The following CFB variants were observed in gnomAD, a reference collection of about 807,000 sequenced individuals.
CFB encodes the protein B-factor, properdin.
In CFB, 59 loss-of-function variants were observed where a neutral mutation model predicts 97.2. The observed-to-expected ratio is 0.61, with a 90% CI of 0.49 to 0.75. CFB has a LOEUF of 0.75. CFB is among the 30% of genes least tolerant of loss of function. The pLI, the probability that CFB is intolerant of heterozygous loss-of-function variation, is 0.00. For missense variants in CFB, 771 were observed against 959.8 expected, an observed-to-expected ratio of 0.80 and a Z score of 2.60; for synonymous variants, 316 against 351.7, an observed-to-expected ratio of 0.90 and a Z score of 1.14.
chr6:31,948,992 T>C (rs775184506), intron 8 of CFB, 31 bp downstream of exon 8: 92 of 1,612,674 alleles, frequency 5.7e-5, no homozygotes, highest in South Asian at 4.7e-4. Context: ...TGTCCCAGCC[T>C]CCCCACCTTC....
intron 7 of CFB, 109 bp downstream of exon 7, chr6:31,948,621 A>G: frequency 6.4e-7 from 1 of 1,566,602 alleles, no homozygotes; most frequent in Non-Finnish European, 8.7e-7. Flanking sequence ...TTTGTAGTCA[A>G]AAGTTGAACA....
intron 12 of CFB, 101 bp from the exon 13 acceptor site, chr6:31,950,518 C>T (rs1396040296): frequency 5.7e-6 from 9 of 1,586,936 alleles, no homozygotes; most frequent in South Asian, 1.1e-5. Flanking sequence ...CCTTGCACCC[C>T]AGACCAGTCA....
Position 31,950,129 on chromosome 6 carries a change from G to C in CFB, c.1488G>C (p.Gln496His). ...CCGATTACCACAAGCAACCATGGCA[G>C]GCCAAGATCTCAGTCATTGTAAGCA... ...KGTDYHKQPW[Q>H]AKISVIRPSK... Residue 496 changes from glutamine (Q) to histidine (H), a missense_variant, in exon 11 of 18, where the codon CAG becomes CAC. Physicochemically the swap from Gln to His is conservative, Grantham distance 24. Coordinates refer to ENST00000425368, the MANE Select transcript of CFB (RefSeq NM_001710.6). The C allele has an allele frequency of 5.0e-6, 8 of 1,613,062 alleles. No homozygotes were observed. The highest frequency in any genetic ancestry group is 6.8e-6 in the Non-Finnish European group (8 of 1,180,028).
intron 7 of CFB, 113 bp from the exon 8 acceptor site, chr6:31,948,717 G>T: frequency 1.3e-6 from 2 of 1,495,492 alleles, no homozygotes; most frequent in Non-Finnish European, 1.8e-6. Context: ...TCCGTGTAAT[G>T]ATGATTAACT....
Position 31,950,669 on chromosome 6 carries a change from TACA to T in CFB, c.1679_1681del (p.Asn560del), listed in dbSNP as rs1175761354. On this transcript the variant is annotated inframe_deletion, in exon 13 of 18. Coordinates refer to ENST00000425368, the MANE Select transcript of CFB (RefSeq NM_001710.6). ...AGAAGTAGTCCTATTTCACCCCAAC[TACA>T]ACATTAATGGGAAAAAAGAAGCAGG... The T allele has an allele frequency of 5.6e-6, 9 of 1,612,870 alleles. No homozygotes were observed. Among genetic ancestry groups the T allele is most frequent in the East Asian group, 2.2e-5 (1 of 44,896 alleles).
chr6:31,948,125 T>G, intron 6 of CFB, 44 bp downstream of exon 6: 9 of 1,608,864 alleles, frequency 5.6e-6, no homozygotes, highest in Non-Finnish European at 7.6e-6. Context: ...GGAATCTCGC[T>G]GATCTTCCAG....
chr6:31,947,695 T>C lies in CFB; in HGVS notation c.659-47T>C. On this transcript the variant is annotated intron_variant, in intron 4 of 17. Coordinates refer to ENST00000425368, the MANE Select transcript of CFB (RefSeq NM_001710.6). This position sits in a 1 kb window ranked among gnomAD's most constrained non-coding sequence, Gnocchi z 5.3. ...TGATCCCCCGTCTCTTTGGTCACTG[T>C]ATCCCTGACACTCCCAGACATTTGA... 1 of 1,600,492 alleles carries C rather than the reference T, an allele frequency of 6.2e-7. No individual in the cohort carries two copies. The highest frequency in any genetic ancestry group is 8.6e-7 in the Non-Finnish European group (1 of 1,168,760).
rs1249772822 is a variant in CFB at position 31,951,924 on chromosome 6, G to A, written c.2189G>A (p.Arg730Gln). 1.2e-5 allele frequency: 20 copies of A among 1,612,962 alleles called. No individual in the cohort carries two copies. The highest frequency in any genetic ancestry group is 4.4e-5 in the South Asian group (4 of 91,082). ...GVVDVCKNQK[R>Q]QKQVPAHARD... ...GTGGATGTCTGCAAAAACCAGAAGC[G>A]GCAAAAGCAGGTACCTGCTCACGCC... Residue 730 changes from arginine (R) to glutamine (Q), a missense_variant, in exon 18 of 18, where the codon CGG becomes CAG. Physicochemically the swap from Arg to Gln is conservative, Grantham distance 43. Coordinates refer to ENST00000425368, the MANE Select transcript of CFB (RefSeq NM_001710.6). This position sits in a 1 kb window ranked among gnomAD's most constrained non-coding sequence, Gnocchi z 4.3.
chr6:31,946,405 C>G lies in CFB; in HGVS notation c.97C>G (p.Pro33Ala), dbSNP rs367892230. The change falls in exon 2 of 18, where the codon CCC becomes GCC. Residue 33 changes from proline (P) to alanine (A), a missense_variant. Coordinates refer to ENST00000425368, the MANE Select transcript of CFB (RefSeq NM_001710.6). This position sits in a 1 kb window ranked among gnomAD's most constrained non-coding sequence, Gnocchi z 6.4. ...VTTTPWSLAR[P>A]QGSCSLEGVE... ...CACCACTCCATGGTCTTTGGCCCGG[C>G]CCCAGGGATCCTGCTCTCTGGAGGG... 1.7e-5 allele frequency: 28 copies of G among 1,613,072 alleles called. No individual in the cohort carries two copies. In the African/African-American group the frequency reaches 3.6e-4, roughly 21 times the overall value.
Position 31,947,657 on chromosome 6 carries a change from C to T in CFB, c.659-85C>T. 4 of 1,574,956 alleles carry T rather than the reference C, an allele frequency of 2.5e-6. No individual in the cohort carries two copies. The highest frequency in any genetic ancestry group is 1.1e-5 in the South Asian group (1 of 90,344). On this transcript the variant is annotated intron_variant, in intron 4 of 17. Transcript: ENST00000425368. This position sits in a 1 kb window ranked among gnomAD's most constrained non-coding sequence, Gnocchi z 5.3. ...CTATCTCACTTCTGAGCCTTTTATA[C>T]CCTGGAAACCCATGATCCCCCGTCT...
intron 12 of CFB, 47 bp downstream of exon 12, chr6:31,950,450 C>T (rs1241907090): frequency 3.2e-6 from 5 of 1,571,928 alleles, no homozygotes; most frequent in Non-Finnish European, 3.5e-6. Context: ...GCTCTCCAGG[C>T]AACACCTCCC....
At chr6:31,950,988 A>T (rs1336295004) in intron 14 of CFB, 44 bp downstream of exon 14, 1 of 1,605,080 alleles carries the variant, frequency 6.2e-7, no homozygotes, top group Non-Finnish European at 8.5e-7. Flanking sequence ...ATCCCAAGAG[A>T]CAAGTGGGGC....
rs1396843361 is a variant in CFB, at chr6:31,947,608, C to G, written c.658+87C>G. On this transcript the variant is annotated intron_variant, in intron 4 of 17. Coordinates refer to ENST00000425368, the MANE Select transcript of CFB (RefSeq NM_001710.6). The surrounding 1 kb of genome is among the most constrained non-coding windows in gnomAD (Gnocchi z 5.3). ...CCACCTCAACCCTGCTCTTTCCTCA[C>G]TTTGTTTAAACCTCCCTGTACAACT... 26 of 1,596,198 alleles carry G rather than the reference C, an allele frequency of 1.6e-5. 1 individual carries two copies. The Admixed American group carries it at 4.0e-4, about 25-fold the overall frequency.
rs1456103769 is a variant in CFB, at chr6:31,946,631, G to A, written c.298+25G>A. 1 of 1,592,222 alleles carries A rather than the reference G, an allele frequency of 6.3e-7. No homozygotes were observed. Among genetic ancestry groups the A allele is most frequent in the South Asian group, 1.1e-5 (1 of 90,662 alleles). On this transcript the variant is annotated intron_variant, in intron 2 of 17. Transcript: ENST00000425368. This position sits in a 1 kb window ranked among gnomAD's most constrained non-coding sequence, Gnocchi z 6.4. Reference sequence around the variant, plus strand: ...GGTTTGAGGGCAATGAGTGTGGGCAGTGGCCTAAGGCAGAAACAGGGCAGG... The same window carrying A: ...GGTTTGAGGGCAATGAGTGTGGGCAATGGCCTAAGGCAGAAACAGGGCAGG...
intron 8 of CFB, 112 bp from the exon 9 acceptor site, chr6:31,949,131 G>A: frequency 7.0e-7 from 1 of 1,428,884 alleles, no homozygotes; most frequent in East Asian, 2.4e-5. Context: ...TAAGCCCTGT[G>A]ATCAACTATC....
chr6:31,951,113 G>A lies in CFB; in HGVS notation c.1856-31G>A, dbSNP rs935490840. 6.2e-7 allele frequency: 1 copy of A among 1,606,290 alleles called. No individual in the cohort carries two copies. The highest frequency in any genetic ancestry group is 1.3e-5 in the African/African-American group (1 of 74,904). On this transcript the variant is annotated intron_variant, in intron 14 of 17. Transcript: ENST00000425368. This position sits in a 1 kb window ranked among gnomAD's most constrained non-coding sequence, Gnocchi z 4.3. ...CAATGGGGAGATGACAGTGGTGGGA[G>A]CAGCTGAAGTGACGCAGTCTATTCG...
intron 10 of CFB, 167 bp from the exon 11 acceptor site, chr6:31,949,883 T>A: frequency 1.3e-6 from 1 of 764,780 alleles, no homozygotes; most frequent in Non-Finnish European, 2.3e-6. Flanking sequence ...GTTCTTTCCC[T>A]TTTCAGTCCA....
In CFB at chr6:31,948,000, C is replaced by A; in HGVS notation, c.816C>A (p.Tyr272Ter). 1 of 1,614,176 alleles carries A rather than the reference C, an allele frequency of 6.2e-7. No individual in the cohort carries two copies. The highest frequency in any genetic ancestry group is 8.5e-7 in the Non-Finnish European group (1 of 1,180,016). ...ACCCTTCAGGCTCCATGAACATCTACCTGGTGCTAGATGGATCAGACAGCA... is the reference window on the plus strand; with the variant it reads ...ACCCTTCAGGCTCCATGAACATCTAACTGGTGCTAGATGGATCAGACAGCA... ...VLDPSGSMNIYLVLDGSDSIG... is the reference protein window; with the variant it reads ...VLDPSGSMNI The change falls in exon 6 of 18, where the codon TAC becomes TAA. Residue 272 changes from tyrosine (Y) to a stop codon, truncating the protein, a stop_gained. Transcript: ENST00000425368. LOFTEE classifies it high-confidence loss of function. This position sits in a 1 kb window ranked among gnomAD's most constrained non-coding sequence, Gnocchi z 5.3.
intron 11 of CFB, 54 bp from the exon 12 acceptor site, chr6:31,950,230 TAA>T (rs1361091280): frequency 6.3e-7 from 1 of 1,599,438 alleles, no homozygotes; most frequent in African/African-American, 1.3e-5. Flanking sequence ...AAAATGGCCA[TAA>T]GAGATGGTGG....
Sources: gnomAD v4.1 joint callset for allele counts on GRCh38, gnomAD v4.1.1 for gene constraint, Gnocchi (gnomAD v3.1) non-coding constraint, MANE v1.5 for transcripts, NCBI Gene and HGNC (gene_info 2026-07-23, HGNC 2026-07-21) for gene names.